DAB1: variants seen among roughly 807,000 people sequenced by gnomAD.
The protein encoded by DAB1 is disabled homolog 1.
A neutral mutation model predicts 64.6 loss-of-function variants in DAB1; 15 were observed. The ratio of observed to expected loss-of-function variants is 0.23; its 90% confidence interval spans 0.16 to 0.36. The LOEUF is 0.36. DAB1 is among the 10% of genes least tolerant of loss of function. The probability of loss-of-function intolerance (pLI) is 1.00; values close to 1 mark genes in which losing one functional copy is unlikely to be tolerated. For synonymous variants in DAB1, 235 were observed against 251.9 expected (o/e 0.93, Z 0.64); for missense variants, 596 against 706.7 (o/e 0.84, Z 1.78).
chr1:57,917,151 T>C (rs1644738688), intron 5 of DAB1, among the ~76,000 whole-genome samples: 1 of 152,158 alleles, frequency 6.6e-6, no homozygotes, highest in Non-Finnish European at 1.5e-5. Context: ...GTGCCTGCCT[T>C]ACTCCTGACT....
At chr1:58,191,391 CT>C (rs1200703640) in intron 4 of DAB1, among the ~76,000 whole-genome samples, 2 of 152,014 alleles carry the variant, frequency 1.3e-5, no homozygotes, top group African/African-American at 4.8e-5. Context: ...AACATTTTTC[CT>C]TTTTTTCAAT....
chr1:57,587,880 A>G (rs1300360693), intron 7 of DAB1, among the ~76,000 whole-genome samples: 1 of 152,192 alleles, frequency 6.6e-6, no homozygotes, highest in Non-Finnish European at 1.5e-5. Flanking sequence ...GCCCTGTACC[A>G]CAGAAGCCAC....
At chr1:57,756,113 C>A (rs17431870) in intron 6 of DAB1, among the ~76,000 whole-genome samples, 26,710 of 152,112 alleles carry the variant, frequency 0.18, 3,057 homozygotes, top group Admixed American at 0.29. Context: ...ACAATGCTCA[C>A]CCGAAAACTG....
At chr1:57,208,313 G>C (rs1665751430) in intron 2 of DAB1, among the ~76,000 whole-genome samples, 1 of 151,978 alleles carries the variant, frequency 6.6e-6, no homozygotes, top group Admixed American at 6.6e-5. Flanking sequence ...ATCAGCAGTG[G>C]CCTTCCTCAG....
At chr1:57,752,019 T>C (rs776931202) in intron 6 of DAB1, among the ~76,000 whole-genome samples, 22 of 152,280 alleles carry the variant, frequency 1.4e-4, no homozygotes, top group Non-Finnish European at 2.8e-4. Flanking sequence ...GTCTTGGACC[T>C]AATCATTTTA....
intron 1 of DAB1, among the ~76,000 whole-genome samples, chr1:57,859,343 T>G (rs942352419): frequency 6.6e-6 from 1 of 152,160 alleles, no homozygotes; most frequent in Non-Finnish European, 1.5e-5. Context: ...TGACTATATG[T>G]TATTATTATT....
intron 6 of DAB1, among the ~76,000 whole-genome samples, chr1:57,679,162 CA>C (rs1646606746): frequency 6.6e-6 from 1 of 152,036 alleles, no homozygotes; most frequent in Admixed American, 6.6e-5. Flanking sequence ...CCTAAGTGGC[CA>C]AGTTTTGAAT....
At chr1:58,447,870 A>G (rs1645088369) in intron 3 of DAB1, among the ~76,000 whole-genome samples, 1 of 152,044 alleles carries the variant, frequency 6.6e-6, no homozygotes, top group South Asian at 2.1e-4. Flanking sequence ...AAAAAAAAAA[A>G]AAGTCTTATG....
chr1:57,631,303 ATTC>A, intron 7 of DAB1, among the ~76,000 whole-genome samples: 1 of 152,364 alleles, frequency 6.6e-6, no homozygotes, highest in South Asian at 2.1e-4. Context: ...TCTCTTCACC[ATTC>A]TTCTGACTAT....
intron 4 of DAB1, among the ~76,000 whole-genome samples, chr1:58,310,517 C>G (rs189079158): frequency 6.6e-6 from 1 of 152,254 alleles, no homozygotes; most frequent in East Asian, 1.9e-4. Context: ...TTGGCCTTCT[C>G]TTGATTCAAC....
At chr1:57,352,215 T>C (rs1042380933) in intron 1 of DAB1, among the ~76,000 whole-genome samples, 5 of 152,144 alleles carry the variant, frequency 3.3e-5, no homozygotes, top group African/African-American at 1.2e-4. Context: ...CTATATGACT[T>C]GGAGTACACC....
At chr1:57,857,938 G>GA (rs57573578) in intron 1 of DAB1, among the ~76,000 whole-genome samples, 8,397 of 121,250 alleles carry the variant, frequency 0.069, 826 homozygotes, top group African/African-American at 0.22. Flanking sequence ...TAAAAAGAAA[G>GA]AAAAAAAAAA....
chr1:57,677,549 C>A (rs1646582586), intron 6 of DAB1, among the ~76,000 whole-genome samples: 1 of 152,194 alleles, frequency 6.6e-6, no homozygotes, highest in African/African-American at 2.4e-5. Flanking sequence ...TATGTGCACA[C>A]CTTGGGTGAC....
chr1:57,949,468 T>C (rs1645235044), intron 5 of DAB1, among the ~76,000 whole-genome samples: 2 of 124,540 alleles, frequency 1.6e-5, no homozygotes, highest in South Asian at 5.0e-4. Context: ...TTTATCTATC[T>C]ATCTATCTAT....
rs1348789315 is a variant in DAB1 at position 57,154,508 on chromosome 1, A to G, written c.68-9079T>C. The stretch of plus-strand genomic sequence containing the variant: ...TCAACAGTGCTGCAACAAACATGAG[A>G]GTGCAGATATCTCTTTGATATACTG... On this transcript the variant is annotated intron_variant, in intron 2 of 14. Transcript: ENST00000371236. Among the ~76,000 whole-genome samples, 4 of 152,250 alleles carry G rather than the reference A, an allele frequency of 2.6e-5. No individual in the cohort carries two copies. In the South Asian group the frequency reaches 8.3e-4, roughly 32 times the overall value.
chr1:58,016,976 T>A (rs1287791269), intron 5 of DAB1, among the ~76,000 whole-genome samples: 2 of 152,184 alleles, frequency 1.3e-5, no homozygotes, highest in African/African-American at 4.8e-5. Context: ...GTGCACGTAT[T>A]ATTCTCTGTT....
intron 6 of DAB1, among the ~76,000 whole-genome samples, chr1:57,665,945 T>C: frequency 6.6e-6 from 1 of 151,832 alleles, no homozygotes; most frequent in Non-Finnish European, 1.5e-5. Flanking sequence ...AGTTTTTCAA[T>C]GTTGAAAACT....
chr1:57,128,540 A>T (rs1461463161), intron 4 of DAB1, among the ~76,000 whole-genome samples: 1 of 152,106 alleles, frequency 6.6e-6, no homozygotes, highest in Non-Finnish European at 1.5e-5. Flanking sequence ...CACTACTTAA[A>T]CTCTGTATAA....
At chr1:57,038,802 C>G (rs960542220) in intron 9 of DAB1, among the ~76,000 whole-genome samples, 6 of 152,118 alleles carry the variant, frequency 3.9e-5, no homozygotes, top group African/African-American at 1.4e-4. Context: ...TTGAAATGTT[C>G]TTTCTTAATA....
Sources: gnomAD v4.1 joint callset for allele counts (sites outside exome capture counted in the v4.1 genomes callset) on GRCh38, gnomAD v4.1.1 for gene constraint, MANE v1.5 for transcripts, NCBI Gene and HGNC (gene_info 2026-07-23, HGNC 2026-07-21) for gene names.